The following PEX5L variants were observed in gnomAD, a reference collection of about 807,000 sequenced individuals.
PEX5L encodes PEX5-related protein.
PEX5L carries 30 observed loss-of-function variants against 84.0 expected under a neutral mutation model. That is an observed-to-expected ratio of 0.36 (90% CI 0.27 to 0.48). The LOEUF (loss-of-function observed/expected upper bound fraction) is 0.48, where lower values mean the gene tolerates loss of function less well. PEX5L is among the 20% of genes least tolerant of loss of function. The pLI is 0.99. For synonymous variants in PEX5L, 270 were observed against 283.1 expected (o/e 0.95, Z 0.46); for missense variants, 533 against 754.6 (o/e 0.71, Z 3.44).
intron 1 of PEX5L, among the ~76,000 whole-genome samples, chr3:180,033,141 T>A (rs1791606451): frequency 6.6e-6 from 1 of 152,196 alleles, no homozygotes; most frequent in African/African-American, 2.4e-5. Context: ...AGAAAAATCT[T>A]AAGTAAAGTC....
chr3:179,818,279 A>G (rs569759134), intron 9 of PEX5L, among the ~76,000 whole-genome samples: 20 of 152,080 alleles, frequency 1.3e-4, no homozygotes, highest in African/African-American at 2.4e-4. Context: ...TTAATTAATT[A>G]ATTTTTAATT....
intron 3 of PEX5L, among the ~76,000 whole-genome samples, chr3:179,888,874 C>T (rs566753978): frequency 3.3e-5 from 5 of 151,992 alleles, no homozygotes; most frequent in East Asian, 1.9e-4. Flanking sequence ...AAGCTATCCT[C>T]GCATCTCAGT....
rs1560166194 is a variant in PEX5L, at chr3:179,807,754, C to T, written c.1596G>A (p.Thr532=). The T allele has an allele frequency of 3.7e-6, 6 of 1,614,134 alleles. No individual in the cohort carries two copies. The highest frequency in any genetic ancestry group is 5.1e-6 in the Non-Finnish European group (6 of 1,180,008). Residue 532 remains threonine, a synonymous_variant, in exon 14 of 15, where the codon ACG becomes ACA. Transcript: ENST00000467460. The stretch of plus-strand genomic sequence containing the variant: ...ATCCTGGCTGAATCTCCAGTGCTCG[C>T]GTATAGGCCTCCACGGCTTCCTCGC... The part of the protein sequence containing the change: ...DRSEEAVEAY[T]RALEIQPGFI...
rs537076545 is a variant in PEX5L, at chr3:179,905,195, C to T, written c.94-6949G>A. Among the ~76,000 whole-genome samples, 27 of 152,194 alleles carry T rather than the reference C, an allele frequency of 1.8e-4. No homozygotes were observed. In the South Asian group the frequency reaches 2.3e-3, roughly 13 times the overall value. ...CTTACTCTAAATGTAACCCCTCCACCAGACAACAGGCCTCAGCCTGCCTCA... is the reference window on the plus strand; with the variant it reads ...CTTACTCTAAATGTAACCCCTCCACTAGACAACAGGCCTCAGCCTGCCTCA... On this transcript the variant is annotated intron_variant, in intron 2 of 14. Coordinates refer to ENST00000467460, the MANE Select transcript of PEX5L (RefSeq NM_016559.3).
At chr3:179,913,982 C>A (rs1306626260) in intron 2 of PEX5L, among the ~76,000 whole-genome samples, 1 of 152,092 alleles carries the variant, frequency 6.6e-6, no homozygotes, top group African/African-American at 2.4e-5. Flanking sequence ...ACTCTAGGAT[C>A]TTTTATAAAT....
At chr3:180,029,626 C>G (rs1791275421) in intron 1 of PEX5L, among the ~76,000 whole-genome samples, 1 of 152,146 alleles carries the variant, frequency 6.6e-6, no homozygotes. Context: ...AGAAAGCTAC[C>G]TAGGAATTAA....
intron 2 of PEX5L, among the ~76,000 whole-genome samples, chr3:179,950,192 T>C (rs1359032076): frequency 6.6e-6 from 1 of 152,228 alleles, no homozygotes; most frequent in Non-Finnish European, 1.5e-5. Context: ...TGCTTGGTCC[T>C]AGCATGTCTT....
chr3:179,967,691 TA>T (rs5854852), intron 2 of PEX5L, among the ~76,000 whole-genome samples: 116,354 of 152,040 alleles, frequency 0.77, 44,771 homozygotes, highest in East Asian at 0.94. Context: ...GATCCCTGGG[TA>T]AATGCCAGGT....
intron 2 of PEX5L, among the ~76,000 whole-genome samples, chr3:179,960,315 C>T (rs1012875147): frequency 2.6e-5 from 4 of 152,194 alleles, no homozygotes; most frequent in Non-Finnish European, 5.9e-5. Flanking sequence ...GGAGGAAGAA[C>T]ATCAAACACT....
At chr3:179,954,895 C>T (rs903724972) in intron 2 of PEX5L, among the ~76,000 whole-genome samples, 6 of 151,946 alleles carry the variant, frequency 3.9e-5, no homozygotes, top group Non-Finnish European at 7.4e-5. Flanking sequence ...GTTCTTCCCT[C>T]CCCCTTACCC....
chr3:179,802,550 A>AAAAAGAAAAG (rs758474995), intron 14 of PEX5L, among the ~76,000 whole-genome samples: 209 of 131,524 alleles, frequency 1.6e-3, no homozygotes, highest in South Asian at 2.6e-3. Context: ...AAAAAAAAAA[A>AAAAAGAAAAG]AAAAGAAAAG....
At chr3:179,830,823 A>AC (rs1373400328) in intron 8 of PEX5L, among the ~76,000 whole-genome samples, 1 of 151,828 alleles carries the variant, frequency 6.6e-6, no homozygotes, top group East Asian at 1.9e-4. Flanking sequence ...CAGAGAAAAA[A>AC]CCCCACTCTC....
At chr3:179,823,412 C>T (rs895154600) in intron 8 of PEX5L, among the ~76,000 whole-genome samples, 3 of 152,008 alleles carry the variant, frequency 2.0e-5, no homozygotes, top group Non-Finnish European at 2.9e-5. Context: ...AGTATAATCA[C>T]AATAACAGAA....
chr3:179,907,542 G>A (rs1298393729), intron 2 of PEX5L, among the ~76,000 whole-genome samples: 3 of 152,020 alleles, frequency 2.0e-5, no homozygotes. Flanking sequence ...TCAAACTCCT[G>A]GCCTCAAGTG....
At chr3:179,869,233 G>A (rs1455974329) in intron 7 of PEX5L, among the ~76,000 whole-genome samples, 1 of 152,084 alleles carries the variant, frequency 6.6e-6, no homozygotes, top group African/African-American at 2.4e-5. Context: ...ATCCAAAAAG[G>A]CTTGAACCAT....
intron 2 of PEX5L, among the ~76,000 whole-genome samples, chr3:179,925,852 AAGTGC>A (rs1771288148): frequency 6.6e-6 from 1 of 152,106 alleles, no homozygotes; most frequent in African/African-American, 2.4e-5. Context: ...CACAACATAC[AAGTGC>A]AGGTAAAATT....
At chr3:179,942,566 C>T (rs1776448648) in intron 2 of PEX5L, among the ~76,000 whole-genome samples, 1 of 152,238 alleles carries the variant, frequency 6.6e-6, no homozygotes, top group South Asian at 2.1e-4. Context: ...GTCCTCACCT[C>T]CCTCCCACTG....
At chr3:179,922,537 C>T (rs530962752) in intron 2 of PEX5L, among the ~76,000 whole-genome samples, 1 of 151,692 alleles carries the variant, frequency 6.6e-6, no homozygotes, top group African/African-American at 2.4e-5. Context: ...CAACCTCTGC[C>T]TCCTGAGTTC....
chr3:179,951,719 A>C (rs1430880713), intron 2 of PEX5L, among the ~76,000 whole-genome samples: 1 of 152,140 alleles, frequency 6.6e-6, no homozygotes, highest in African/African-American at 2.4e-5. Context: ...ACAGAAATAA[A>C]CTGCTGTTTT....
Sources: gnomAD v4.1 joint callset for allele counts (sites outside exome capture counted in the v4.1 genomes callset) on GRCh38, gnomAD v4.1.1 for gene constraint, MANE v1.5 for transcripts, NCBI Gene and HGNC (gene_info 2026-07-23, HGNC 2026-07-21) for gene names.